The following UPK1B variants were observed in gnomAD, a reference collection of about 807,000 sequenced individuals.
UPK1B encodes the protein uroplakin-1b.
A neutral mutation model predicts 34.2 loss-of-function variants in UPK1B; 28 were observed. The observed-to-expected ratio is 0.82, with a 90% CI of 0.61 to 1.12. The LOEUF is 1.12. Ranked by LOEUF, UPK1B falls within the 50% of genes most tolerant of loss-of-function variation. The pLI is 0.00. For synonymous variants in UPK1B, 81 were observed against 110.4 expected, an observed-to-expected ratio of 0.73 and a Z score of 1.67; for missense variants, 325 against 320.9, an observed-to-expected ratio of 1.01 and a Z score of -0.10.
At chr3:119,177,547 C>T (rs544643171) in intron 1 of UPK1B, among the ~76,000 whole-genome samples, 14 of 152,322 alleles carry the variant, frequency 9.2e-5, no homozygotes, top group African/African-American at 3.4e-4. Context: ...TGAACAGGCA[C>T]CTGGCCAATA....
In UPK1B at chr3:119,186,691, T is replaced by G. The variant is rs763887268; in HGVS notation, c.-28-23T>G. The G allele has an allele frequency of 8.8e-6, 14 of 1,586,588 alleles. No homozygotes were observed. The Admixed American group carries it at 2.4e-4, about 27-fold the overall frequency. On this transcript the variant is annotated intron_variant, in intron 1 of 7. Transcript: ENST00000264234. Reference sequence around the variant, plus strand: ...ACTCATGTTACAGAAACTGTAGCAGTTATTTGGTAATGCTTTCAACAGTGC... The same window carrying G: ...ACTCATGTTACAGAAACTGTAGCAGGTATTTGGTAATGCTTTCAACAGTGC...
chr3:119,203,193 T>C (rs2078100037), intron 7 of UPK1B, among the ~76,000 whole-genome samples: 1 of 151,320 alleles, frequency 6.6e-6, no homozygotes, highest in Non-Finnish European at 1.5e-5. Context: ...ATACAAAAAT[T>C]AGCCGGGCAT....
At chr3:119,191,615 CCCA>C (rs1237588277) in intron 5 of UPK1B, among the ~76,000 whole-genome samples, 2 of 152,162 alleles carry the variant, frequency 1.3e-5, no homozygotes, top group Non-Finnish European at 2.9e-5. Flanking sequence ...TACTCCACAC[CCCA>C]CCACCAACTT....
At chr3:119,181,336 T>G (rs2077989123) in intron 1 of UPK1B, among the ~76,000 whole-genome samples, 1 of 152,214 alleles carries the variant, frequency 6.6e-6, no homozygotes, top group South Asian at 2.1e-4. Flanking sequence ...AATAAACCAC[T>G]GGTTTTAGGT....
At chr3:119,197,088 T>C (rs1268978368) in intron 6 of UPK1B, among the ~76,000 whole-genome samples, 1 of 152,164 alleles carries the variant, frequency 6.6e-6, no homozygotes. Flanking sequence ...GTTTTCAGGA[T>C]CTACAATGCA....
rs959174803 is a variant in UPK1B, at chr3:119,186,947, G to T, written c.69+137G>T. The T allele has an allele frequency of 6.8e-5, 56 of 825,454 alleles. No homozygotes were observed. The South Asian group carries it at 9.1e-4, about 13-fold the overall frequency. 51.1% of individuals were successfully genotyped at this position (825,454 alleles called of 1,614,324 possible). ...ATTTTTGCTTCATTTTAAGAAATGT[G>T]TTAGTAAATATGCTAGCTAGAATTT... On this transcript the variant is annotated intron_variant, in intron 2 of 7. Coordinates refer to ENST00000264234, the MANE Select transcript of UPK1B (RefSeq NM_006952.4).
intron 2 of UPK1B, 68 bp from the exon 3 acceptor site, chr3:119,187,707 T>C (rs774500718): frequency 2.6e-6 from 4 of 1,522,638 alleles, no homozygotes; most frequent in African/African-American, 2.7e-5. Flanking sequence ...CACTCTTACC[T>C]TCCCCACCCT....
At position 119,187,921 on chromosome 3, in the gene UPK1B, G is replaced by C. The variant is rs768738653; in HGVS notation, c.216G>C (p.Leu72=). Residue 72 remains leucine, a synonymous_variant, in exon 3 of 8, where the codon CTG becomes CTC. Coordinates refer to ENST00000264234, the MANE Select transcript of UPK1B (RefSeq NM_006952.4). ...TTGTGGGCATCTGCCTCTTCTGCCT[G>C]TCTGTTCTAGGCATTGTAGGCATCA... The part of the protein sequence containing the change: ...GIFVGICLFC[L]SVLGIVGIMK... 7 of 1,614,130 alleles carry C rather than the reference G, an allele frequency of 4.3e-6. No individual in the cohort carries two copies. The highest frequency in any genetic ancestry group is 5.9e-6 in the Non-Finnish European group (7 of 1,180,016).
chr3:119,204,029 G>A lies in UPK1B; in HGVS notation c.*62G>A. ...GACTCTGGATTTGGTGCTGGAACCA[G>A]CTCTCTCCTAATATTCCACGTTTGT... On this transcript the variant is annotated 3_prime_UTR_variant, in exon 8 of 8. Coordinates refer to ENST00000264234, the MANE Select transcript of UPK1B (RefSeq NM_006952.4). The A allele has an allele frequency of 6.4e-7, 1 of 1,573,326 alleles. No individual in the cohort carries two copies. The highest frequency in any genetic ancestry group is 8.7e-7 in the Non-Finnish European group (1 of 1,146,650).
chr3:119,202,338 C>A (rs1044097489), intron 7 of UPK1B, among the ~76,000 whole-genome samples: 3 of 152,126 alleles, frequency 2.0e-5, no homozygotes, highest in South Asian at 2.1e-4. Context: ...GGGTTTGAAT[C>A]CCACCTCCAC....
At chr3:119,196,680 C>T (rs2107436829) in intron 6 of UPK1B, among the ~76,000 whole-genome samples, 1 of 151,926 alleles carries the variant, frequency 6.6e-6, no homozygotes, top group South Asian at 2.1e-4. Flanking sequence ...GCTGGGACTA[C>T]AGGTGCACGC....
intron 7 of UPK1B, among the ~76,000 whole-genome samples, chr3:119,203,359 A>AC: frequency 6.6e-6 from 1 of 151,324 alleles, no homozygotes; most frequent in Non-Finnish European, 1.5e-5. Flanking sequence ...AAAAAAAAAA[A>AC]AAAAAAAAAT....
chr3:119,188,377 AG>A (rs2078029239), intron 3 of UPK1B, among the ~76,000 whole-genome samples: 1 of 152,262 alleles, frequency 6.6e-6, no homozygotes, highest in Admixed American at 6.5e-5. Flanking sequence ...GATATTAATT[AG>A]GCATTAATAT....
intron 1 of UPK1B, among the ~76,000 whole-genome samples, chr3:119,177,084 C>T (rs2077960234): frequency 6.6e-6 from 1 of 152,162 alleles, no homozygotes; most frequent in African/African-American, 2.4e-5. Context: ...TCATGAAACT[C>T]AATGTGCCTC....
chr3:119,203,650 G>A (rs1280652615), intron 7 of UPK1B, among the ~76,000 whole-genome samples: 1 of 152,184 alleles, frequency 6.6e-6, no homozygotes, highest in African/African-American at 2.4e-5. Flanking sequence ...GGCCTGCTGA[G>A]GGGTGAGGAG....
At chr3:119,198,271 C>G (rs1229657715) in intron 6 of UPK1B, among the ~76,000 whole-genome samples, 1 of 152,196 alleles carries the variant, frequency 6.6e-6, no homozygotes, top group Non-Finnish European at 1.5e-5. Context: ...AGAGGCAGAG[C>G]CGCATGGTCC....
Position 119,204,071 on chromosome 3 carries a change from T to C in UPK1B, c.*104T>C. 7.5e-7 allele frequency: 1 copy of C among 1,326,770 alleles called. No individual in the cohort carries two copies. The highest frequency in any genetic ancestry group is 1.1e-6 in the Non-Finnish European group (1 of 933,376). 82.2% of individuals were successfully genotyped at this position (1,326,770 alleles called of 1,614,324 possible). ...CACGTTTGTGCCCCACACTAACGTG[T>C]GTGTCTTACATTGCCAAGTCAGATG... On this transcript the variant is annotated 3_prime_UTR_variant, in exon 8 of 8. Transcript: ENST00000264234.
chr3:119,181,856 C>T (rs868145292), intron 1 of UPK1B, among the ~76,000 whole-genome samples: 1 of 152,206 alleles, frequency 6.6e-6, no homozygotes, highest in Admixed American at 6.5e-5. Context: ...ATGCCCTTCA[C>T]AGGTTGGCAA....
At chr3:119,187,281 G>T (rs2078023696) in intron 2 of UPK1B, among the ~76,000 whole-genome samples, 1 of 152,102 alleles carries the variant, frequency 6.6e-6, no homozygotes, top group African/African-American at 2.4e-5. Context: ...TTGGAGTCCA[G>T]AGCTCTTGGC....
Sources: gnomAD v4.1 joint callset for allele counts (sites outside exome capture counted in the v4.1 genomes callset) on GRCh38, gnomAD v4.1.1 for gene constraint, MANE v1.5 for transcripts, NCBI Gene and HGNC (gene_info 2026-07-23, HGNC 2026-07-21) for gene names.